Variants in SLC2A14 observed in about 807,000 individuals in gnomAD.
SLC2A14 encodes solute carrier family 2 member 14.
A neutral mutation model predicts 43.0 loss-of-function variants in SLC2A14; 13 were observed. The observed-to-expected ratio is 0.30, with a 90% confidence interval of 0.20 to 0.48. The LOEUF (loss-of-function observed/expected upper bound fraction) is 0.48. Ranked by LOEUF, SLC2A14 falls within the 20% of genes least tolerant of loss-of-function variation. The pLI is 0.99. For missense variants in SLC2A14, 428 were observed against 620.4 expected, an observed-to-expected ratio of 0.69 and a Z score of 3.29; for synonymous variants, 190 against 233.8, an observed-to-expected ratio of 0.81 and a Z score of 1.71.
chr12:7,817,743 T>TAAGATAG, intron 10 of SLC2A14, 88 bp downstream of exon 10: 2 of 961,990 alleles, frequency 2.1e-6, no homozygotes, highest in South Asian at 1.9e-5. Context: ...CTCAAAAATA[T>TAAGATAG]ATATATATAT....
intron 2 of SLC2A14, among the ~76,000 whole-genome samples, chr12:7,852,334 G>A (rs921360938): frequency 6.6e-6 from 1 of 152,042 alleles, no homozygotes; most frequent in African/African-American, 2.4e-5. Flanking sequence ...ATTGAGAATG[G>A]TGACAGAAAA....
At chr12:7,835,398 C>A (rs777465843) in intron 2 of SLC2A14, among the ~76,000 whole-genome samples, 23 of 152,204 alleles carry the variant, frequency 1.5e-4, no homozygotes, top group Admixed American at 7.9e-4. Context: ...AACAAACAAA[C>A]AAAATTTACA....
intron 1 of SLC2A14, among the ~76,000 whole-genome samples, chr12:7,884,172 A>G (rs1057409449): frequency 4.0e-5 from 6 of 149,344 alleles, no homozygotes; most frequent in East Asian, 4.0e-4. Context: ...TGCCCGCCTC[A>G]GCCTCCCAAA....
intron 2 of SLC2A14, among the ~76,000 whole-genome samples, chr12:7,864,702 G>A (rs1317082896): frequency 2.0e-5 from 3 of 152,140 alleles, no homozygotes; most frequent in East Asian, 3.8e-4. Context: ...TGTAATGAAC[G>A]TGGCTGCTTA....
intron 2 of SLC2A14, among the ~76,000 whole-genome samples, chr12:7,860,065 TA>T (rs1944461648): frequency 6.6e-6 from 1 of 152,182 alleles, no homozygotes; most frequent in Admixed American, 6.5e-5. Flanking sequence ...GTGGTGCTAG[TA>T]ACATCCTTGG....
chr12:7,862,761 T>C (rs941089680), intron 2 of SLC2A14, among the ~76,000 whole-genome samples: 1 of 152,138 alleles, frequency 6.6e-6, no homozygotes, highest in Non-Finnish European at 1.5e-5. Flanking sequence ...CAGCACCCTG[T>C]GTTTAGCTCA....
chr12:7,876,203 C>T (rs1441765481), upstream of SLC2A14, among the ~76,000 whole-genome samples: 1 of 143,872 alleles, frequency 7.0e-6, no homozygotes, highest in Non-Finnish European at 1.5e-5. Flanking sequence ...ATGGCTTGAA[C>T]CTGGGAGGCA....
upstream of SLC2A14, among the ~76,000 whole-genome samples, chr12:7,874,876 A>T (rs1377195719): frequency 1.1e-5 from 1 of 92,148 alleles, no homozygotes; most frequent in Non-Finnish European, 1.9e-5. Context: ...ATACATATAT[A>T]AATATATATT....
At chr12:7,836,276 A>G (rs1005602983) in intron 2 of SLC2A14, among the ~76,000 whole-genome samples, 2 of 149,208 alleles carry the variant, frequency 1.3e-5, no homozygotes, top group Non-Finnish European at 3.0e-5. Flanking sequence ...GCTGGTGTGC[A>G]GTGGCATGAT....
At position 7,814,464 on chromosome 12, in the gene SLC2A14, A is replaced by G; in HGVS notation, c.1346T>C (p.Phe449Ser). 1 of 1,613,694 alleles carries G rather than the reference A, an allele frequency of 6.2e-7. No homozygotes were observed. The highest frequency in any genetic ancestry group is 1.3e-5 in the African/African-American group (1 of 74,948). Reference sequence around the variant, plus strand: ...CCTGCCACGGGTCTCAGGGACTTTGAAGAAGGTAAAGGCCAAGAAGGTAAT... The same window carrying G: ...CCTGCCACGGGTCTCAGGGACTTTGGAGAAGGTAAAGGCCAAGAAGGTAAT... ...FLITFLAFTF[F>S]KVPETRGRTF... Residue 449 changes from phenylalanine (F) to serine (S), a missense_variant, in exon 11 of 11, where the codon TTC (phenylalanine) becomes TCC (serine). Around this residue, in one of 4 missense-constraint regions of SLC2A14, gnomAD observed 119 missense variants for 188.7 expected, o/e 0.63. Transcript: ENST00000431042.
chr12:7,878,773 T>C (rs922472582), intron 1 of SLC2A14, among the ~76,000 whole-genome samples: 2 of 151,428 alleles, frequency 1.3e-5, no homozygotes, highest in East Asian at 1.9e-4. Context: ...GGTCAGGAGA[T>C]TGAGACCATC....
chr12:7,828,257 C>G (rs570057465), intron 6 of SLC2A14, among the ~76,000 whole-genome samples: 27 of 151,786 alleles, frequency 1.8e-4, no homozygotes, highest in Non-Finnish European at 3.4e-4. Context: ...CCCAGCTACT[C>G]GGGAGGCTAA....
At chr12:7,863,740 GGAAGCCAAAAGCCTAACT>G (rs1291556072) in intron 2 of SLC2A14, among the ~76,000 whole-genome samples, 1 of 151,946 alleles carries the variant, frequency 6.6e-6, no homozygotes, top group Non-Finnish European at 1.5e-5. Flanking sequence ...TTTTGGCTTT[GGAAGCCAAAAGCCTAACT>G]TCCTTTTATT....
At chr12:7,874,026 CAT>C (rs1384743592), upstream of SLC2A14, among the ~76,000 whole-genome samples, 6 of 152,146 alleles carry the variant, frequency 3.9e-5, 1 homozygote, top group Non-Finnish European at 8.8e-5. Context: ...CAACAATAAA[CAT>C]GTCAAAAGGC....
chr12:7,855,179 G>A (rs1867258766), intron 2 of SLC2A14, among the ~76,000 whole-genome samples: 1 of 152,094 alleles, frequency 6.6e-6, no homozygotes, highest in African/African-American at 2.4e-5. Context: ...ACTTCCCAGA[G>A]TAACCCCTTG....
intron 1 of SLC2A14, among the ~76,000 whole-genome samples, chr12:7,886,307 A>G (rs1945688413): frequency 6.6e-6 from 1 of 151,254 alleles, no homozygotes; most frequent in African/African-American, 2.4e-5. Flanking sequence ...GACCACAGGC[A>G]TGTGCCACCT....
chr12:7,852,601 T>C (rs1486162044), intron 2 of SLC2A14, among the ~76,000 whole-genome samples: 1 of 152,148 alleles, frequency 6.6e-6, no homozygotes, highest in Non-Finnish European at 1.5e-5. Flanking sequence ...CAGAGGCTTG[T>C]CCCATGCATT....
intron 6 of SLC2A14, among the ~76,000 whole-genome samples, chr12:7,828,232 G>A (rs754783160): frequency 4.6e-5 from 7 of 152,092 alleles, no homozygotes; most frequent in South Asian, 2.1e-4. Context: ...GCGTGGTGTC[G>A]CGCGCACCTG....
chr12:7,872,604 CAGGACATAGT>C (rs1945296360), intron 1 of SLC2A14, 193 bp downstream of exon 1: 1 of 293,778 alleles, frequency 3.4e-6, no homozygotes, highest in Non-Finnish European at 5.1e-6. Context: ...GAGCGGAGCC[CAGGACATAGT>C]AGGTGCTCAG....
Sources: gnomAD v4.1 joint callset for allele counts (sites outside exome capture counted in the v4.1 genomes callset) on GRCh38, gnomAD v4.1.1 for gene constraint, gnomAD v4.1.1 regional missense constraint, MANE v1.5 for transcripts, NCBI Gene and HGNC (gene_info 2026-07-23, HGNC 2026-07-21) for gene names.